RBM20: variants seen among roughly 807,000 people sequenced by gnomAD.
RBM20 encodes the protein RNA-binding protein 20.
RBM20 carries 51 observed loss-of-function variants against 110.1 expected under a neutral mutation model. That is an observed-to-expected ratio of 0.46 (90% CI 0.37 to 0.59). RBM20 has a LOEUF of 0.59. RBM20 is among the 20% of genes least tolerant of loss of function. The pLI is 0.00. For synonymous variants in RBM20, 589 were observed against 618.2 expected (o/e 0.95, Z 0.70); for missense variants, 1,512 against 1,574.9 (o/e 0.96, Z 0.68).
chr10:110,761,824 A>G (rs1365536891), intron 1 of RBM20, among the ~76,000 whole-genome samples: 3 of 152,260 alleles, frequency 2.0e-5, no homozygotes, highest in African/African-American at 7.2e-5. Flanking sequence ...ATCATAATAA[A>G]TAACAGTATT....
Position 110,812,261 on chromosome 10 carries a change from C to A in RBM20, c.1881-17C>A. On this transcript the variant is annotated splice_polypyrimidine_tract_variant and intron_variant, in intron 8 of 13. Coordinates refer to ENST00000369519, the MANE Select transcript of RBM20 (RefSeq NM_001134363.3). ...AGGTGTGAAGATTCTAAATCCTGCTCCTTGGCTCCCTCACAGATATGGCCC... is the reference window on the plus strand; with the variant it reads ...AGGTGTGAAGATTCTAAATCCTGCTACTTGGCTCCCTCACAGATATGGCCC... The A allele has an allele frequency of 6.5e-7, 1 of 1,529,506 alleles. No homozygotes were observed. The highest frequency in any genetic ancestry group is 8.8e-7 in the Non-Finnish European group (1 of 1,135,588). 94.7% of individuals were successfully genotyped at this position (1,529,506 alleles called of 1,614,324 possible). A position where few individuals can be genotyped will look rare whatever the true frequency, so the allele number is the denominator to read the frequency against.
intron 1 of RBM20, among the ~76,000 whole-genome samples, chr10:110,746,319 G>T (rs1348648646): frequency 6.6e-6 from 1 of 152,204 alleles, no homozygotes; most frequent in Non-Finnish European, 1.5e-5. Context: ...TCAAAGGATA[G>T]GGAAATAGAC....
intron 5 of RBM20, among the ~76,000 whole-genome samples, chr10:110,787,502 G>T: frequency 6.6e-6 from 1 of 152,226 alleles, no homozygotes; most frequent in East Asian, 1.9e-4. Flanking sequence ...ATAGGATTTT[G>T]TCCGAGTCTT....
intron 1 of RBM20, among the ~76,000 whole-genome samples, chr10:110,649,752 A>C (rs886207514): frequency 2.6e-5 from 4 of 152,212 alleles, no homozygotes; most frequent in Admixed American, 2.6e-4. Context: ...TGCATTAAGT[A>C]AAATGATCCA....
intron 1 of RBM20, among the ~76,000 whole-genome samples, chr10:110,757,792 C>A (rs1843939912): frequency 6.6e-6 from 1 of 152,174 alleles, no homozygotes; most frequent in Admixed American, 6.5e-5. Context: ...AGCACTCAGC[C>A]TCCCAGATAG....
intron 2 of RBM20, 118 bp from the exon 3 acceptor site, chr10:110,783,248 G>T (rs1844377140): frequency 4.1e-5 from 29 of 703,084 alleles, no homozygotes; most frequent in Non-Finnish European, 1.3e-5. Context: ...GTGTCTGCAG[G>T]GGTGGTCCAG....
In RBM20 at chr10:110,754,133, A is replaced by T. The variant is rs1046912298; in HGVS notation, c.192-26668A>T. On this transcript the variant is annotated intron_variant, in intron 1 of 13. Coordinates refer to ENST00000369519, the MANE Select transcript of RBM20 (RefSeq NM_001134363.3). Reference sequence around the variant, plus strand: ...TCATCTTTCCTCATCAGAATTATAGATTTGTCATTATTTTCTTTCAGCGTA... The same window carrying T: ...TCATCTTTCCTCATCAGAATTATAGTTTTGTCATTATTTTCTTTCAGCGTA... 1.4e-4 allele frequency among the ~76,000 whole-genome samples: 22 copies of T among 152,120 alleles called. 1 individual carries two copies. Among genetic ancestry groups the T allele is most frequent in the Admixed American group, 5.2e-4 (8 of 15,270 alleles).
chr10:110,645,010 TGC>T (rs1861848525), intron 1 of RBM20, among the ~76,000 whole-genome samples: 1 of 152,234 alleles, frequency 6.6e-6, no homozygotes, highest in South Asian at 2.1e-4. Flanking sequence ...CGTGAGTGTG[TGC>T]GCGCGCGTGA....
intron 1 of RBM20, among the ~76,000 whole-genome samples, chr10:110,751,997 C>G (rs1843860289): frequency 6.6e-6 from 1 of 152,238 alleles, no homozygotes. Flanking sequence ...CAACATCCCC[C>G]ACCAGACTGG....
intron 1 of RBM20, among the ~76,000 whole-genome samples, chr10:110,727,088 T>C (rs1450050428): frequency 6.6e-6 from 1 of 150,866 alleles, no homozygotes; most frequent in Non-Finnish European, 1.5e-5. Flanking sequence ...CCTCAAGTGA[T>C]CTGCCTTGGC....
intron 1 of RBM20, among the ~76,000 whole-genome samples, chr10:110,716,464 G>C (rs1323650087): frequency 6.6e-6 from 1 of 152,220 alleles, no homozygotes; most frequent in African/African-American, 2.4e-5. Context: ...CATTGAAAGA[G>C]TAGGATTTGG....
chr10:110,666,928 C>T (rs937487767), intron 1 of RBM20, among the ~76,000 whole-genome samples: 11 of 152,132 alleles, frequency 7.2e-5, no homozygotes, highest in African/African-American at 2.4e-4. Context: ...GAAATTTATC[C>T]AAGGATAAGG....
intron 7 of RBM20, among the ~76,000 whole-genome samples, chr10:110,806,272 A>C (rs1189354281): frequency 6.6e-6 from 1 of 151,850 alleles, no homozygotes; most frequent in Non-Finnish European, 1.5e-5. Flanking sequence ...CGTCTCAAAA[A>C]AAAAAAAAAG....
At chr10:110,793,346 C>G (rs1186986552) in intron 5 of RBM20, among the ~76,000 whole-genome samples, 2 of 152,196 alleles carry the variant, frequency 1.3e-5, no homozygotes, top group Non-Finnish European at 2.9e-5. Context: ...AAGATTTTAT[C>G]TGCCAAAGTA....
At chr10:110,726,680 G>A (rs1264488810) in intron 1 of RBM20, among the ~76,000 whole-genome samples, 1 of 152,154 alleles carries the variant, frequency 6.6e-6, no homozygotes, top group Admixed American at 6.5e-5. Context: ...TCTGATGCCA[G>A]TTGCAGGTTC....
upstream of RBM20, chr10:110,644,335 C>T (rs12783859): frequency 0.065 from 48,225 of 739,574 alleles, 1,794 homozygotes; most frequent in East Asian, 0.15. The surrounding 1 kb of genome is among the most constrained non-coding windows in gnomAD (Gnocchi z 4.3). Context: ...GTCTCCTCCC[C>T]GCGCCACCGG....
At chr10:110,828,702 C>T (rs1293847534) in intron 12 of RBM20, among the ~76,000 whole-genome samples, 1 of 152,214 alleles carries the variant, frequency 6.6e-6, no homozygotes, top group Non-Finnish European at 1.5e-5. Flanking sequence ...GGAAACTAAT[C>T]TCAGAGAGGG....
rs556957717 is a variant in RBM20 at position 110,776,851 on chromosome 10, G to A, written c.192-3950G>A. On this transcript the variant is annotated intron_variant, in intron 1 of 13. Coordinates refer to ENST00000369519, the MANE Select transcript of RBM20 (RefSeq NM_001134363.3). Reference sequence around the variant, plus strand: ...AAACCTGAACTTAGACAGAGAAAGAGTGTACTGAAGCTCCTGCATTGGAGT... The same window carrying A: ...AAACCTGAACTTAGACAGAGAAAGAATGTACTGAAGCTCCTGCATTGGAGT... 5.9e-5 allele frequency among the ~76,000 whole-genome samples: 9 copies of A among 152,356 alleles called. No homozygotes were observed. In the South Asian group the frequency reaches 1.9e-3, roughly 32 times the overall value.
chr10:110,710,057 T>G (rs189547176), intron 1 of RBM20, among the ~76,000 whole-genome samples: 1 of 152,260 alleles, frequency 6.6e-6, no homozygotes, highest in Admixed American at 6.5e-5. Flanking sequence ...TTTCACCTAG[T>G]ATTTCATATG....
Sources: allele counts gnomAD v4.1 joint callset (sites outside exome capture counted in the v4.1 genomes callset), GRCh38; gene constraint gnomAD v4.1.1; non-coding constraint Gnocchi (gnomAD v3.1); transcripts MANE v1.5; gene names NCBI Gene and HGNC (gene_info 2026-07-23, HGNC 2026-07-21).